Variants in RAPGEF6 observed in about 807,000 individuals in gnomAD.
RAPGEF6 encodes PDZ domain containing guanine nucleotide exchange factor (GEF) 2.
RAPGEF6 carries 56 observed loss-of-function variants against 171.4 expected under a neutral mutation model. That is an observed-to-expected ratio of 0.33 (90% confidence interval 0.26 to 0.41). RAPGEF6 has a LOEUF of 0.41. RAPGEF6 is among the 10% of genes least tolerant of loss of function. RAPGEF6 has a pLI of 1.00. For synonymous variants in RAPGEF6, 692 were observed against 650.1 expected, an observed-to-expected ratio of 1.06 and a Z score of -0.98; for missense variants, 1,674 against 1,921.4, an observed-to-expected ratio of 0.87 and a Z score of 2.41.
At chr5:131,618,189 G>C (rs1475163228) in intron 1 of RAPGEF6, among the ~76,000 whole-genome samples, 1 of 152,102 alleles carries the variant, frequency 6.6e-6, no homozygotes, top group Non-Finnish European at 1.5e-5. Context: ...GCTATATTTG[G>C]AGCACTTTAA....
chr5:131,526,196 A>G (rs1758861883), intron 6 of RAPGEF6, among the ~76,000 whole-genome samples: 1 of 152,218 alleles, frequency 6.6e-6, no homozygotes, highest in African/African-American at 2.4e-5. Context: ...TACTTCATGA[A>G]GAAAACTTCA....
chr5:131,586,793 ACT>A, intron 4 of RAPGEF6, among the ~76,000 whole-genome samples: 1 of 152,280 alleles, frequency 6.6e-6, no homozygotes, highest in East Asian at 1.9e-4. Context: ...AACAATGGGA[ACT>A]CTCACACACC....
intron 7 of RAPGEF6, among the ~76,000 whole-genome samples, chr5:131,519,502 A>C (rs556768744): frequency 6.5e-4 from 99 of 152,228 alleles, no homozygotes; most frequent in Middle Eastern, 3.4e-3. Flanking sequence ...CCTGGGCTCA[A>C]GCAATTCTCC....
chr5:131,492,451 T>A, intron 14 of RAPGEF6, 131 bp downstream of exon 14: 1 of 813,220 alleles, frequency 1.2e-6, no homozygotes, highest in East Asian at 2.6e-5. Context: ...CATATGCAGA[T>A]ACTACCTCTA....
intron 6 of RAPGEF6, among the ~76,000 whole-genome samples, chr5:131,545,352 T>A (rs901884228): frequency 2.8e-4 from 43 of 152,014 alleles, no homozygotes; most frequent in African/African-American, 1.0e-3. Flanking sequence ...ACATCTTTAA[T>A]TTTTTTTACC....
At chr5:131,428,105 CA>C (rs1751482021) in intron 27 of RAPGEF6, among the ~76,000 whole-genome samples, 1 of 151,878 alleles carries the variant, frequency 6.6e-6, no homozygotes, top group African/African-American at 2.4e-5. Context: ...CTTGTCTCAA[CA>C]AACAAACAAC....
chr5:131,588,971 G>A (rs964473800), intron 4 of RAPGEF6, among the ~76,000 whole-genome samples: 1 of 152,044 alleles, frequency 6.6e-6, no homozygotes, highest in Non-Finnish European at 1.5e-5. Flanking sequence ...TTGGGAGACT[G>A]AGACAGGAGA....
intron 4 of RAPGEF6, among the ~76,000 whole-genome samples, chr5:131,585,956 CT>C (rs1397688927): frequency 6.6e-6 from 1 of 152,172 alleles, no homozygotes; most frequent in African/African-American, 2.4e-5. Context: ...TGATTGAGGT[CT>C]TATGTCTCCC....
chr5:131,462,075 T>C lies in RAPGEF6; in HGVS notation c.2494A>G (p.Asn832Asp). The C allele has an allele frequency of 6.5e-7, 1 of 1,540,514 alleles. No individual in the cohort carries two copies. Among genetic ancestry groups the C allele is most frequent in the Non-Finnish European group, 8.7e-7 (1 of 1,143,484 alleles). ...IQLNGRYYLK[N>D]NMETETLCSD... ...CATAAGGTTTCTGTTTCCATGTTAT[T>C]TTTTAAGTAATACCTAAATGGAAAA... Residue 832 changes from asparagine (N) to aspartate (D), a missense_variant, in exon 19 of 28, where the codon AAT becomes GAT. This residue lies in a region of RAPGEF6 where 1,116 missense variants were observed against 1,321.5 expected (regional missense o/e 0.84). Transcript: ENST00000509018.
intron 5 of RAPGEF6, among the ~76,000 whole-genome samples, chr5:131,549,998 TGG>T (rs1390912716): frequency 6.6e-6 from 1 of 152,174 alleles, no homozygotes; most frequent in African/African-American, 2.4e-5. Context: ...ACTGCAGATA[TGG>T]GGGTGTGGGA....
Position 131,427,101 on chromosome 5 carries a change from G to C in RAPGEF6, c.*165C>G. On this transcript the variant is annotated 3_prime_UTR_variant, in exon 28 of 28. Transcript: ENST00000509018. ...ATTTATCTGCAGAAATTAAATGAAAGGAAGCATAACTCAGGTCTATTTCAT... is the reference window on the plus strand; with the variant it reads ...ATTTATCTGCAGAAATTAAATGAAACGAAGCATAACTCAGGTCTATTTCAT... 2 of 705,930 alleles carry C rather than the reference G, an allele frequency of 2.8e-6. No individual in the cohort carries two copies. The highest frequency in any genetic ancestry group is 5.0e-6 in the Non-Finnish European group (2 of 399,836). The allele number at this position is 705,930 out of a possible 1,614,324, so 43.7% of individuals were successfully genotyped here. A position where few individuals can be genotyped will look rare whatever the true frequency, so the allele number is the denominator to read the frequency against.
chr5:131,507,184 A>ATATT (rs58447411), intron 9 of RAPGEF6, among the ~76,000 whole-genome samples: 114,784 of 147,034 alleles, frequency 0.78, 45,109 homozygotes, highest in African/African-American at 0.83. Context: ...TATATTATAT[A>ATATT]TATAGTATGA....
intron 24 of RAPGEF6, 89 bp downstream of exon 24, chr5:131,439,492 A>C: frequency 6.8e-7 from 1 of 1,464,696 alleles, no homozygotes; most frequent in Admixed American, 2.7e-5. Context: ...TTAATGATTT[A>C]TAATTATTGC....
At position 131,472,708 on chromosome 5, in the gene RAPGEF6, A is replaced by G. The variant is rs1561491457; in HGVS notation, c.2118T>C (p.Ile706=). 6.2e-7 allele frequency: 1 copy of G among 1,612,436 alleles called. No homozygotes were observed. The change falls in exon 17 of 28, where the codon ATT becomes ATC. Residue 706 remains isoleucine, a synonymous_variant. Transcript: ENST00000509018. ...TATGCCTACAGTGCCTTGTTCCCAC[A>G]ATGCTGTCATCTTGTGATTGGCTTA... ...GGLSQSQDDS[I]VGTRHCRHSL...
intron 1 of RAPGEF6, among the ~76,000 whole-genome samples, chr5:131,612,817 G>A (rs1765014367): frequency 6.6e-6 from 1 of 152,102 alleles, no homozygotes; most frequent in South Asian, 2.1e-4. Flanking sequence ...TCAAGTTACA[G>A]GACATCTTCG....
chr5:131,507,812 A>G (rs1003531206), intron 9 of RAPGEF6, among the ~76,000 whole-genome samples: 4 of 152,200 alleles, frequency 2.6e-5, no homozygotes, highest in African/African-American at 7.2e-5. Flanking sequence ...AGAAGTAAAA[A>G]CATTTGGTTC....
intron 24 of RAPGEF6, among the ~76,000 whole-genome samples, chr5:131,439,356 G>A (rs1257414967): frequency 6.6e-6 from 1 of 152,174 alleles, no homozygotes; most frequent in East Asian, 1.9e-4. Flanking sequence ...CTTGCTGTCT[G>A]TTGAAGTTTA....
At chr5:131,438,898 C>T (rs1032796306) in intron 24 of RAPGEF6, among the ~76,000 whole-genome samples, 56 of 152,094 alleles carry the variant, frequency 3.7e-4, no homozygotes, top group African/African-American at 1.3e-3. Context: ...TTTTGTTTTC[C>T]TAAATCTTAT....
chr5:131,485,194 T>A (rs779556929), intron 15 of RAPGEF6, among the ~76,000 whole-genome samples: 2 of 152,132 alleles, frequency 1.3e-5, no homozygotes, highest in South Asian at 4.1e-4. Flanking sequence ...CCTAAATTGC[T>A]AGGATTACAG....
Sources: gnomAD v4.1 joint callset for allele counts (sites outside exome capture counted in the v4.1 genomes callset) on GRCh38, gnomAD v4.1.1 for gene constraint, gnomAD v4.1.1 regional missense constraint, MANE v1.5 for transcripts, NCBI Gene and HGNC (gene_info 2026-07-23, HGNC 2026-07-21) for gene names.